Variants in NR5A2 observed in about 807,000 individuals in gnomAD.
NR5A2 encodes the protein nuclear receptor subfamily 5 group A member 2, also known as CYP7A promoter-binding factor.
In NR5A2, 26 loss-of-function variants were observed where a neutral mutation model predicts 62.7. The ratio of observed to expected loss-of-function variants is 0.41; its 90% CI spans 0.30 to 0.58. The LOEUF (loss-of-function observed/expected upper bound fraction) is 0.58, where lower values mean the gene tolerates loss of function less well. Ranked by LOEUF, NR5A2 falls within the 20% of genes least tolerant of loss-of-function variation. NR5A2 has a pLI of 0.22. For missense variants in NR5A2, 541 were observed against 669.1 expected, an observed-to-expected ratio of 0.81 and a Z score of 2.11; for synonymous variants, 246 against 241.7, an observed-to-expected ratio of 1.02 and a Z score of -0.16.
At chr1:200,058,297 C>T (rs1325163806) in intron 5 of NR5A2, 2 of 152,120 alleles carry the variant, frequency 1.3e-5, no homozygotes, top group Non-Finnish European at 2.9e-5. Flanking sequence ...GCCCTGTTTA[C>T]AGCATGTTGT....
intron 5 of NR5A2, among the ~76,000 whole-genome samples, chr1:200,079,622 A>T (rs1484872406): frequency 1.3e-5 from 2 of 152,202 alleles, no homozygotes; most frequent in African/African-American, 2.4e-5. Flanking sequence ...CTGCTGATAG[A>T]TGATCCTCTG....
chr1:200,157,543 G>A (rs1413642780), intron 7 of NR5A2, among the ~76,000 whole-genome samples: 1 of 152,104 alleles, frequency 6.6e-6, no homozygotes, highest in Non-Finnish European at 1.5e-5. Flanking sequence ...AATGTTTCAA[G>A]CTCCAAAAGT....
Position 200,174,347 on chromosome 1 carries a change from G to T in NR5A2, c.*137G>T. ...ATTAAAAACTTGCTTTAAAGATATT[G>T]AATTTAAAAAGGCATAATAATCAAA... On this transcript the variant is annotated 3_prime_UTR_variant, in exon 8 of 8. Transcript: ENST00000367362. 2 of 896,566 alleles carry T rather than the reference G, an allele frequency of 2.2e-6. No homozygotes were observed. Among genetic ancestry groups the T allele is most frequent in the Non-Finnish European group, 3.1e-6 (2 of 655,380 alleles). 55.5% of individuals were successfully genotyped at this position (896,566 alleles called of 1,614,324 possible). A position where few individuals can be genotyped will look rare whatever the true frequency, so the allele number is the denominator to read the frequency against.
chr1:200,132,092 C>T (rs944868056), intron 7 of NR5A2, among the ~76,000 whole-genome samples: 3 of 152,136 alleles, frequency 2.0e-5, no homozygotes, highest in Non-Finnish European at 2.9e-5. Context: ...TCACTGCAAC[C>T]TCCGCCTCCT....
At chr1:200,133,526 T>TACAC (rs1215224324) in intron 7 of NR5A2, among the ~76,000 whole-genome samples, 1 of 87,420 alleles carries the variant, frequency 1.1e-5, no homozygotes, top group Non-Finnish European at 2.3e-5. Context: ...TATATATATA[T>TACAC]ACACACACAT....
chr1:200,049,335 A>G (rs919431316), intron 5 of NR5A2, among the ~76,000 whole-genome samples: 6 of 152,162 alleles, frequency 3.9e-5, no homozygotes, highest in African/African-American at 1.4e-4. Flanking sequence ...TTGCCTTGAC[A>G]TTAGGTTGGT....
intron 5 of NR5A2, among the ~76,000 whole-genome samples, chr1:200,064,246 C>T (rs1387185003): frequency 1.3e-5 from 2 of 152,016 alleles, no homozygotes; most frequent in Non-Finnish European, 2.9e-5. Context: ...GACATTGATG[C>T]GGCACTAAAC....
chr1:200,042,997 A>T, intron 2 of NR5A2: 1 of 985,404 alleles, frequency 1.0e-6, no homozygotes, highest in East Asian at 1.1e-4. Flanking sequence ...GATCGGAAAC[A>T]TGTGAGGTTC....
At chr1:200,155,037 G>C (rs1653313568) in intron 7 of NR5A2, among the ~76,000 whole-genome samples, 1 of 152,236 alleles carries the variant, frequency 6.6e-6, no homozygotes, top group Admixed American at 6.5e-5. Flanking sequence ...AAAGCTTCAG[G>C]AGGGTGGAAG....
At chr1:200,094,895 C>T (rs1665007272) in intron 5 of NR5A2, among the ~76,000 whole-genome samples, 2 of 151,942 alleles carry the variant, frequency 1.3e-5, no homozygotes, top group Non-Finnish European at 2.9e-5. Flanking sequence ...TTTTTAGACA[C>T]CAGGCACCAA....
At chr1:200,122,962 A>G (rs1666543171) in intron 7 of NR5A2, among the ~76,000 whole-genome samples, 1 of 152,138 alleles carries the variant, frequency 6.6e-6, no homozygotes, top group Non-Finnish European at 1.5e-5. Flanking sequence ...ACCTTTATTG[A>G]GGTATATAGA....
At chr1:200,085,719 A>C (rs1210753297) in intron 5 of NR5A2, among the ~76,000 whole-genome samples, 1 of 151,760 alleles carries the variant, frequency 6.6e-6, no homozygotes, top group African/African-American at 2.4e-5. Flanking sequence ...AAAGAGGGGG[A>C]TACACATGTA....
chr1:200,113,771 A>G (rs1666073596), intron 6 of NR5A2, among the ~76,000 whole-genome samples: 1 of 152,220 alleles, frequency 6.6e-6, no homozygotes, highest in Admixed American at 6.5e-5. Context: ...TGCTACAACA[A>G]CATTACTTTG....
intron 7 of NR5A2, among the ~76,000 whole-genome samples, chr1:200,137,701 AC>A (rs1379550439): frequency 5.3e-5 from 8 of 152,218 alleles, no homozygotes; most frequent in Non-Finnish European, 8.8e-5. Context: ...TTTTAAGAAT[AC>A]CAAAATAAAA....
At chr1:200,058,831 C>T (rs986025411) in intron 5 of NR5A2, among the ~76,000 whole-genome samples, 7 of 148,310 alleles carry the variant, frequency 4.7e-5, no homozygotes, top group South Asian at 2.2e-4. Flanking sequence ...GAGGCCCAGA[C>T]AGGTGCGGTG....
At chr1:200,034,836 C>G (rs1027704829) in intron 1 of NR5A2, among the ~76,000 whole-genome samples, 3 of 120,868 alleles carry the variant, frequency 2.5e-5, no homozygotes, top group Non-Finnish European at 4.9e-5. Flanking sequence ...GACTGCTCAC[C>G]TATTCAGGTT....
In NR5A2 at chr1:200,039,266, G is replaced by T. The variant is rs559725914; in HGVS notation, c.65-392G>T. ...GGCGGTGGAGGGAGGGGAAGGAGTC[G>T]CCCGAGCCGTCCGGGAGCAGTGGCA... On this transcript the variant is annotated intron_variant, in intron 1 of 7. Transcript: ENST00000367362. This position sits in a 1 kb window ranked among gnomAD's most constrained non-coding sequence, Gnocchi z 5.1. Among the ~76,000 whole-genome samples the T allele has an allele frequency of 6.6e-6, 1 of 152,192 alleles. No homozygotes were observed. The highest frequency in any genetic ancestry group is 1.9e-4 in the East Asian group (1 of 5,156).
chr1:200,028,514 T>C (rs747346622), intron 1 of NR5A2, among the ~76,000 whole-genome samples: 1 of 152,134 alleles, frequency 6.6e-6, no homozygotes, highest in Non-Finnish European at 1.5e-5. Flanking sequence ...TAGTATATTT[T>C]GTTTTTACAA....
In NR5A2 at chr1:200,131,859, G is replaced by A. The variant is rs528046931; in HGVS notation, c.1378+10904G>A. Among the ~76,000 whole-genome samples, 81 of 152,208 alleles carry A rather than the reference G, an allele frequency of 5.3e-4. 1 individual carries two copies. The highest frequency in any genetic ancestry group is 7.9e-4 in the Admixed American group (12 of 15,274). On this transcript the variant is annotated intron_variant, in intron 7 of 7. Coordinates refer to ENST00000367362, the MANE Select transcript of NR5A2 (RefSeq NM_205860.3). Reference sequence around the variant, plus strand: ...AGTTGTGGCTGTGTTTGGTTAAGAAGGTTAAATTTCAAACAGACCAATCCA... The same window carrying A: ...AGTTGTGGCTGTGTTTGGTTAAGAAAGTTAAATTTCAAACAGACCAATCCA...
Sources: allele counts gnomAD v4.1 joint callset (sites outside exome capture counted in the v4.1 genomes callset), GRCh38; gene constraint gnomAD v4.1.1; non-coding constraint Gnocchi (gnomAD v3.1); transcripts MANE v1.5; gene names NCBI Gene and HGNC (gene_info 2026-07-23, HGNC 2026-07-21).